The following CSMD3 variants were observed in gnomAD, a reference collection of about 807,000 sequenced individuals.
CSMD3 encodes the protein CUB and sushi domain-containing protein 3.
In CSMD3, 177 loss-of-function variants were observed where a neutral mutation model predicts 435.2. That is an observed-to-expected ratio of 0.41 (90% CI 0.36 to 0.46). The LOEUF is 0.46. Ranked by LOEUF, CSMD3 falls within the 20% of genes least tolerant of loss-of-function variation. The pLI, the probability that CSMD3 is intolerant of heterozygous loss-of-function variation, is 0.34. For synonymous variants in CSMD3, 1,656 were observed against 1,520.5 expected, an observed-to-expected ratio of 1.09 and a Z score of -2.07; for missense variants, 4,265 against 4,504.6, an observed-to-expected ratio of 0.95 and a Z score of 1.52.
intron 3 of CSMD3, among the ~76,000 whole-genome samples, chr8:113,204,921 A>G (rs919459778): frequency 1.5e-4 from 23 of 152,000 alleles, no homozygotes; most frequent in Non-Finnish European, 2.8e-4. Flanking sequence ...GAAGGCAAGG[A>G]GGAGGAAGTC....
At chr8:112,350,990 G>T (rs575736112) in intron 40 of CSMD3, among the ~76,000 whole-genome samples, 185 bp downstream of exon 40, 114 of 151,930 alleles carry the variant, frequency 7.5e-4, no homozygotes, top group African/African-American at 2.7e-3. Flanking sequence ...TTAAAAAAAA[G>T]AAGATGTGAA....
At chr8:113,090,680 G>C (rs975681969) in intron 5 of CSMD3, among the ~76,000 whole-genome samples, 22 of 152,030 alleles carry the variant, frequency 1.4e-4, no homozygotes, top group African/African-American at 5.3e-4. Flanking sequence ...AATATTCCAT[G>C]GCCCAGCAAT....
chr8:113,162,632 A>C (rs941499542), intron 4 of CSMD3, among the ~76,000 whole-genome samples: 14 of 150,864 alleles, frequency 9.3e-5, no homozygotes, highest in African/African-American at 3.2e-4. Context: ...TTCCAATCCT[A>C]GATTTACCTT....
intron 5 of CSMD3, among the ~76,000 whole-genome samples, chr8:113,042,914 T>C (rs1173916103): frequency 1.3e-5 from 2 of 152,200 alleles, no homozygotes; most frequent in Non-Finnish European, 2.9e-5. Context: ...AATCTGCATT[T>C]CCACCTAGTT....
Position 112,556,852 on chromosome 8 carries a change from T to A in CSMD3, c.4145A>T (p.Asn1382Ile), listed in dbSNP as rs2131225139. Residue 1382 changes from asparagine (N) to isoleucine (I), a missense_variant, in exon 25 of 71, where the codon AAT (asparagine) becomes ATT (isoleucine). By Grantham distance (149) the Asn-to-Ile change is moderately radical. Coordinates refer to ENST00000297405, the MANE Select transcript of CSMD3 (RefSeq NM_198123.2). ...ACTTCCGTGGAGAGTGTAGCCTGGA[T>A]TGCATCCATAAATGATGGTGCTACC... ...FAGSTIIYGC[N>I]PGYTLHGSSL... is the part of the protein sequence containing the mutation. 1 of 1,612,310 alleles carries A rather than the reference T, an allele frequency of 6.2e-7. No homozygotes were observed. The highest frequency in any genetic ancestry group is 1.7e-5 in the Admixed American group (1 of 59,778).
intron 61 of CSMD3, among the ~76,000 whole-genome samples, chr8:112,257,911 T>C (rs1156572193): frequency 1.3e-5 from 2 of 152,152 alleles, no homozygotes; most frequent in Non-Finnish European, 2.9e-5. Flanking sequence ...CAAAACAGCA[T>C]GTTACTGCTA....
intron 32 of CSMD3, among the ~76,000 whole-genome samples, chr8:112,445,961 T>C (rs1815556037): frequency 6.6e-6 from 1 of 152,242 alleles, no homozygotes; most frequent in Admixed American, 6.5e-5. Flanking sequence ...ACAGAGCATA[T>C]ATTATTAAAA....
intron 18 of CSMD3, 79 bp downstream of exon 18, chr8:112,656,075 G>C (rs1391469703): frequency 1.3e-6 from 1 of 768,804 alleles, no homozygotes; most frequent in Non-Finnish European, 2.3e-6. Flanking sequence ...AGAGCTAATA[G>C]TTCCATTAGT....
At chr8:112,742,563 A>C (rs1243447403) in intron 13 of CSMD3, among the ~76,000 whole-genome samples, 1 of 152,022 alleles carries the variant, frequency 6.6e-6, no homozygotes, top group East Asian at 1.9e-4. Context: ...CTATCACTTG[A>C]TTGTGTTATA....
intron 3 of CSMD3, among the ~76,000 whole-genome samples, chr8:113,268,730 C>CTTTTATTTACTTTAAT (rs1307320632): frequency 6.6e-6 from 1 of 152,018 alleles, no homozygotes; most frequent in African/African-American, 2.4e-5. Context: ...CCCAGACTGA[C>CTTTTATTTACTTTAAT]TTACTTTAAT....
intron 1 of CSMD3, among the ~76,000 whole-genome samples, chr8:113,390,010 T>C (rs924781127): frequency 2.0e-5 from 3 of 151,832 alleles, no homozygotes; most frequent in Non-Finnish European, 3.0e-5. Flanking sequence ...GACTCCATTG[T>C]TATACTGCAT....
At chr8:112,596,433 C>T (rs1010286390) in intron 22 of CSMD3, among the ~76,000 whole-genome samples, 3 of 152,022 alleles carry the variant, frequency 2.0e-5, no homozygotes, top group Admixed American at 6.6e-5. Context: ...TTTAACACCC[C>T]ACTGTCAACA....
chr8:112,510,896 T>C (rs1823052805), intron 28 of CSMD3, among the ~76,000 whole-genome samples: 1 of 152,226 alleles, frequency 6.6e-6, no homozygotes, highest in East Asian at 1.9e-4. Flanking sequence ...TATTTGATTA[T>C]GTAAATAGTG....
intron 13 of CSMD3, among the ~76,000 whole-genome samples, chr8:112,752,969 A>C (rs2132111713): frequency 6.6e-6 from 1 of 151,454 alleles, no homozygotes; most frequent in Non-Finnish European, 1.5e-5. Context: ...TCTGTCACCC[A>C]TGCTGGAGTG....
chr8:113,031,733 T>C (rs1024234619), intron 5 of CSMD3, among the ~76,000 whole-genome samples: 1 of 151,814 alleles, frequency 6.6e-6, no homozygotes, highest in East Asian at 1.9e-4. Context: ...TGTGCCATAG[T>C]TATGAAAAAT....
At chr8:112,852,126 G>C (rs938283307) in intron 11 of CSMD3, among the ~76,000 whole-genome samples, 1 of 152,168 alleles carries the variant, frequency 6.6e-6, no homozygotes, top group Non-Finnish European at 1.5e-5. Flanking sequence ...AAAGGGACTA[G>C]TGATGACAAG....
intron 1 of CSMD3, among the ~76,000 whole-genome samples, chr8:113,356,873 GT>G (rs1240527921): frequency 6.6e-6 from 1 of 151,936 alleles, no homozygotes; most frequent in African/African-American, 2.4e-5. Flanking sequence ...TTATTTATAT[GT>G]TCCTTAAGTA....
At chr8:112,693,899 A>G (rs1344466055) in intron 13 of CSMD3, among the ~76,000 whole-genome samples, 1 of 151,662 alleles carries the variant, frequency 6.6e-6, no homozygotes, top group Admixed American at 6.6e-5. Flanking sequence ...ATACACATAT[A>G]CACACACATT....
At chr8:112,429,833 A>T (rs1813471595) in intron 32 of CSMD3, among the ~76,000 whole-genome samples, 1 of 151,882 alleles carries the variant, frequency 6.6e-6, no homozygotes, top group African/African-American at 2.4e-5. Context: ...ATCATCAGAA[A>T]TTTTTTTTCT....
Sources: gnomAD v4.1 joint callset for allele counts (sites outside exome capture counted in the v4.1 genomes callset) on GRCh38, gnomAD v4.1.1 for gene constraint, MANE v1.5 for transcripts, NCBI Gene and HGNC (gene_info 2026-07-23, HGNC 2026-07-21) for gene names.